BUB1B: variants seen among roughly 807,000 people sequenced by gnomAD.
BUB1B encodes BUB1 mitotic checkpoint serine/threonine kinase B, also known as mitotic checkpoint serine/threonine-protein kinase BUB1 beta.
Under a neutral mutation model 137.7 loss-of-function variants are expected in BUB1B, and 86 were observed. The ratio of observed to expected loss-of-function variants is 0.62; its 90% CI spans 0.52 to 0.75. The LOEUF is 0.75. Ranked by LOEUF, BUB1B falls within the 30% of genes least tolerant of loss-of-function variation. BUB1B has a pLI of 0.00. For missense variants in BUB1B, 1,130 were observed against 1,236.9 expected (o/e 0.91, Z 1.30); for synonymous variants, 420 against 417.9 (o/e 1.00, Z -0.06).
At chr15:40,210,285 C>A in intron 18 of BUB1B, 75 bp downstream of exon 18, 1 of 1,110,968 alleles carries the variant, frequency 9.0e-7, no homozygotes, top group Non-Finnish European at 1.4e-6. Flanking sequence ...CTCATGTTAC[C>A]ATCAAATCTT....
intron 5 of BUB1B, among the ~76,000 whole-genome samples, chr15:40,177,612 A>C (rs779949460): frequency 6.6e-6 from 1 of 152,032 alleles, no homozygotes; most frequent in Non-Finnish European, 1.5e-5. Flanking sequence ...TTACCATGCT[A>C]TCTAGATTAC....
Position 40,201,015 on chromosome 15 carries a change from C to T in BUB1B, c.1567+35C>T, listed in dbSNP as rs535403593. On this transcript the variant is annotated intron_variant, in intron 12 of 22. Transcript: ENST00000287598. ...ATTTGACAGCCTTGAGAAGAACTTG[C>T]TGATAACAAATGTATTATGTAATAA... 9 of 1,585,790 alleles carry T rather than the reference C, an allele frequency of 5.7e-6. No homozygotes were observed. The African/African-American group carries it at 6.7e-5, about 12-fold the overall frequency.
intron 5 of BUB1B, among the ~76,000 whole-genome samples, chr15:40,180,784 G>A (rs2037283032): frequency 6.6e-6 from 1 of 151,160 alleles, no homozygotes; most frequent in Non-Finnish European, 1.5e-5. Context: ...CGAGTAGCTG[G>A]GACTACAGGT....
intron 12 of BUB1B, among the ~76,000 whole-genome samples, chr15:40,201,798 CT>C (rs1207047888): frequency 6.6e-6 from 1 of 152,106 alleles, no homozygotes; most frequent in Non-Finnish European, 1.5e-5. Context: ...TCCCGACTAG[CT>C]GGGACTACAG....
intron 5 of BUB1B, among the ~76,000 whole-genome samples, chr15:40,183,291 G>A (rs11070254): frequency 0.059 from 9,047 of 152,152 alleles, 885 homozygotes; most frequent in African/African-American, 0.21. Context: ...GTGCACGTGC[G>A]CGCATGCATG....
At chr15:40,194,774 T>C (rs1222485248) in intron 8 of BUB1B, among the ~76,000 whole-genome samples, 2 of 152,228 alleles carry the variant, frequency 1.3e-5, no homozygotes, top group African/African-American at 4.8e-5. Flanking sequence ...CCTAATGCTA[T>C]ATTCTTAACT....
intron 4 of BUB1B, among the ~76,000 whole-genome samples, chr15:40,172,121 A>G (rs1047505575): frequency 2.6e-5 from 4 of 151,146 alleles, no homozygotes; most frequent in Admixed American, 1.3e-4. Context: ...TTACTAAAAT[A>G]AAGTAATAAA....
intron 16 of BUB1B, among the ~76,000 whole-genome samples, chr15:40,209,141 C>T (rs966846477): frequency 4.6e-5 from 7 of 151,652 alleles, no homozygotes; most frequent in East Asian, 2.0e-4. Flanking sequence ...AGTTGCCGGC[C>T]GGGTGCGGTG....
chr15:40,211,916 A>T (rs2037717511), intron 18 of BUB1B, among the ~76,000 whole-genome samples: 1 of 151,836 alleles, frequency 6.6e-6, no homozygotes, highest in South Asian at 2.1e-4. Flanking sequence ...TCTGCCTCCC[A>T]GGGTCAAGCG....
chr15:40,186,771 G>A (rs1267955918), intron 8 of BUB1B, among the ~76,000 whole-genome samples: 2 of 151,878 alleles, frequency 1.3e-5, no homozygotes, highest in Non-Finnish European at 2.9e-5. Context: ...GTTGAATTCT[G>A]TCCCAGTGCA....
Position 40,185,160 on chromosome 15 carries a change from C to G in BUB1B, c.752-5C>G. ...TACATGAGGTTTTAATATTTTTGCT[C>G]CTAGCTCCAAGCCAGAACAGAGGAC... On this transcript the variant is annotated splice_region_variant and splice_polypyrimidine_tract_variant and intron_variant, in intron 6 of 22. Transcript: ENST00000287598. 1 of 1,611,170 alleles carries G rather than the reference C, an allele frequency of 6.2e-7. No homozygotes were observed. Among genetic ancestry groups the G allele is most frequent in the Non-Finnish European group, 8.5e-7 (1 of 1,177,882 alleles).
chr15:40,200,087 T>A (rs925742539), intron 10 of BUB1B, 157 bp from the exon 11 acceptor site: 19 of 689,300 alleles, frequency 2.8e-5, no homozygotes, highest in Middle Eastern at 3.6e-4. Flanking sequence ...TGGTTTAGAG[T>A]AGGAATAAAA....
At chr15:40,203,824 G>A (rs2037604896) in intron 14 of BUB1B, among the ~76,000 whole-genome samples, 1 of 152,110 alleles carries the variant, frequency 6.6e-6, no homozygotes, top group Non-Finnish European at 1.5e-5. Flanking sequence ...GTTTTAAGGA[G>A]GAAAAATCAT....
chr15:40,220,869 C>A lies in BUB1B; in HGVS notation c.*110C>A. 4 of 1,147,358 alleles carry A rather than the reference C, an allele frequency of 3.5e-6. No homozygotes were observed. The highest frequency in any genetic ancestry group is 1.3e-6 in the Non-Finnish European group (1 of 768,620). 71.1% of individuals were successfully genotyped at this position (1,147,358 alleles called of 1,614,324 possible). A position where few individuals can be genotyped will look rare whatever the true frequency, so the allele number is the denominator to read the frequency against. ...TTTAGGACACATTTAGATGCACTAC[C>A]ATTGCTGTTCTACTTTTTGGTACAG... On this transcript the variant is annotated 3_prime_UTR_variant, in exon 23 of 23. Transcript: ENST00000287598.
chr15:40,173,142 G>T (rs868518919), intron 4 of BUB1B, among the ~76,000 whole-genome samples: 5 of 151,716 alleles, frequency 3.3e-5, no homozygotes, highest in South Asian at 2.1e-4. Flanking sequence ...AAAATTAGCC[G>T]CACGTGGTGG....
At chr15:40,189,048 A>G (rs1301085319) in intron 8 of BUB1B, among the ~76,000 whole-genome samples, 1 of 151,970 alleles carries the variant, frequency 6.6e-6, no homozygotes, top group Non-Finnish European at 1.5e-5. Context: ...ATTCCCCACC[A>G]TTACCCCAAT....
rs539535907 is a variant in BUB1B, at chr15:40,162,740, T to C, written c.35+1485T>C. Among the ~76,000 whole-genome samples, 8 of 152,182 alleles carry C rather than the reference T, an allele frequency of 5.3e-5. No individual in the cohort carries two copies. The East Asian group carries it at 1.5e-3, about 29-fold the overall frequency. The stretch of plus-strand genomic sequence containing the variant: ...TGGGAGGAGCAGGTCTGGGAGGAAG[T>C]GGGGGCAGTCTTAGCTCAATTTGGG... On this transcript the variant is annotated intron_variant, in intron 1 of 22. Transcript: ENST00000287598.
At chr15:40,181,155 G>C (rs1414841089) in intron 5 of BUB1B, among the ~76,000 whole-genome samples, 2 of 149,074 alleles carry the variant, frequency 1.3e-5, no homozygotes, top group African/African-American at 5.0e-5. Flanking sequence ...GCAGTGGCAC[G>C]ATCTCAGCTC....
At chr15:40,213,685 A>G (rs562388145) in intron 20 of BUB1B, among the ~76,000 whole-genome samples, 66 of 152,158 alleles carry the variant, frequency 4.3e-4, no homozygotes, top group South Asian at 4.1e-3. Context: ...ACAGGCGCGC[A>G]CCACCACACC....
Sources: allele counts gnomAD v4.1 joint callset (sites outside exome capture counted in the v4.1 genomes callset), GRCh38; gene constraint gnomAD v4.1.1; transcripts MANE v1.5; gene names NCBI Gene and HGNC (gene_info 2026-07-23, HGNC 2026-07-21).